SAMSN1: variants seen among roughly 807,000 people sequenced by gnomAD.
SAMSN1 encodes the protein SAM domain, SH3 domain and nuclear localization signals 1, also known as SAM domain-containing protein SAMSN-1.
A neutral mutation model predicts 42.0 loss-of-function variants in SAMSN1; 31 were observed. The ratio of observed to expected loss-of-function variants is 0.74; its 90% CI spans 0.55 to 1.00. SAMSN1 has a LOEUF of 1.00. Among genes scored for constraint, SAMSN1 ranks in the 50% least tolerant of loss-of-function variants. The pLI is 0.00. For missense variants in SAMSN1, 464 were observed against 439.4 expected (o/e 1.06, Z -0.50); for synonymous variants, 178 against 151.9 (o/e 1.17, Z -1.26).
intron 7 of SAMSN1, among the ~76,000 whole-genome samples, chr21:14,588,751 G>C (rs11910340): frequency 2.0e-5 from 3 of 151,464 alleles, no homozygotes; most frequent in African/African-American, 4.8e-5. Context: ...TAAGAGTTTC[G>C]TCTATTCTAT....
At chr21:14,650,600 C>G (rs1477179192) in intron 1 of SAMSN1, among the ~76,000 whole-genome samples, 1 of 151,734 alleles carries the variant, frequency 6.6e-6, no homozygotes, top group Non-Finnish European at 1.5e-5. Flanking sequence ...TGCAAATGAA[C>G]AACCCAACAA....
intron 3 of SAMSN1, among the ~76,000 whole-genome samples, chr21:14,615,154 C>T (rs114223474): frequency 1.4e-4 from 21 of 152,256 alleles, no homozygotes; most frequent in African/African-American, 5.1e-4. Flanking sequence ...TACTCCACCT[C>T]GTGCTTCAAA....
intron 2 of SAMSN1, among the ~76,000 whole-genome samples, chr21:14,564,160 A>C (rs571388593): frequency 1.3e-5 from 2 of 152,292 alleles, no homozygotes; most frequent in East Asian, 3.9e-4. Context: ...AATTGATTTC[A>C]AATCAGATAA....
intron 1 of SAMSN1, among the ~76,000 whole-genome samples, chr21:14,648,469 A>C (rs1215445364): frequency 2.6e-5 from 4 of 152,246 alleles, no homozygotes; most frequent in Non-Finnish European, 4.4e-5. Context: ...AACTACCATC[A>C]GAGTAAACAG....
intron 1 of SAMSN1, chr21:14,643,265 C>G: frequency 1.7e-6 from 1 of 571,590 alleles, no homozygotes; most frequent in Non-Finnish European, 3.1e-6. Context: ...TAAGAGTTTA[C>G]AGTATGCTAA....
intron 7 of SAMSN1, among the ~76,000 whole-genome samples, chr21:14,494,175 A>G (rs1986812305): frequency 6.6e-6 from 1 of 152,228 alleles, no homozygotes; most frequent in Non-Finnish European, 1.5e-5. Flanking sequence ...ATCTAGAACC[A>G]GAAATACCAT....
intron 7 of SAMSN1, among the ~76,000 whole-genome samples, chr21:14,497,347 C>T (rs1986950789): frequency 6.6e-6 from 1 of 152,284 alleles, no homozygotes; most frequent in East Asian, 1.9e-4. Context: ...GTAATCCCAG[C>T]ACTTTGAGAG....
Position 14,500,698 on chromosome 21 carries a change from ATTGGTG to A in SAMSN1, c.593_598del (p.Thr198_Pro199del). On this transcript the variant is annotated inframe_deletion, in exon 6 of 8. Coordinates refer to ENST00000400566, the MANE Select transcript of SAMSN1 (RefSeq NM_022136.5). ...GTTCAACATTCCTGTCCACATCCCC[ATTGGTG>A]TTTTGCAAATAATGTCTATGATGTC... 1 of 1,614,060 alleles carries A rather than the reference ATTGGTG, an allele frequency of 6.2e-7. No homozygotes were observed. Among genetic ancestry groups the A allele is most frequent in the Non-Finnish European group, 8.5e-7 (1 of 1,179,948 alleles).
intron 2 of SAMSN1, among the ~76,000 whole-genome samples, chr21:14,635,036 A>G (rs1009704682): frequency 1.3e-5 from 2 of 152,312 alleles, no homozygotes; most frequent in African/African-American, 4.8e-5. Flanking sequence ...TTGCAGGGAC[A>G]TGGGTGAAGC....
intron 1 of SAMSN1, among the ~76,000 whole-genome samples, chr21:14,539,757 T>C (rs1253452768): frequency 6.6e-6 from 1 of 152,164 alleles, no homozygotes; most frequent in Non-Finnish European, 1.5e-5. Flanking sequence ...CCCATCAAGC[T>C]ACCAATGACT....
At chr21:14,554,464 T>G (rs66740377) in intron 2 of SAMSN1, among the ~76,000 whole-genome samples, 42,816 of 152,008 alleles carry the variant, frequency 0.28, 6,392 homozygotes, top group African/African-American at 0.39. Flanking sequence ...AGTTATTAAT[T>G]ATCATTTTTA....
chr21:14,539,218 C>T (rs907748042), intron 1 of SAMSN1, among the ~76,000 whole-genome samples: 2 of 152,024 alleles, frequency 1.3e-5, no homozygotes, highest in Non-Finnish European at 2.9e-5. Flanking sequence ...AACAGACTTG[C>T]TACAAAGAAA....
intron 1 of SAMSN1, among the ~76,000 whole-genome samples, chr21:14,530,510 A>G (rs1174503352): frequency 6.6e-6 from 1 of 152,172 alleles, no homozygotes; most frequent in African/African-American, 2.4e-5. Flanking sequence ...TACTGTCTCT[A>G]GTAAACATAA....
chr21:14,601,444 A>G (rs866976244), intron 6 of SAMSN1, among the ~76,000 whole-genome samples: 5 of 152,260 alleles, frequency 3.3e-5, no homozygotes, highest in Middle Eastern at 6.8e-3. Context: ...AAATTTTCTA[A>G]TGAAACTATC....
At chr21:14,521,641 GC>G (rs1388239483) in intron 1 of SAMSN1, among the ~76,000 whole-genome samples, 6 of 152,040 alleles carry the variant, frequency 3.9e-5, no homozygotes, top group African/African-American at 1.4e-4. Flanking sequence ...CAAACAAAAA[GC>G]AAGCATCTGA....
intron 1 of SAMSN1, among the ~76,000 whole-genome samples, chr21:14,524,700 C>T (rs1258797080): frequency 6.6e-6 from 1 of 152,018 alleles, no homozygotes; most frequent in Non-Finnish European, 1.5e-5. Context: ...GCTGTAAAGC[C>T]TAATGTTCAT....
intron 2 of SAMSN1, among the ~76,000 whole-genome samples, chr21:14,555,199 T>C (rs1980725087): frequency 6.6e-6 from 1 of 152,182 alleles, no homozygotes; most frequent in Non-Finnish European, 1.5e-5. Context: ...AGCCTCCTTG[T>C]CTACAACTTC....
chr21:14,651,482 A>C (rs1983836481), intron 1 of SAMSN1, among the ~76,000 whole-genome samples: 1 of 152,038 alleles, frequency 6.6e-6, no homozygotes, highest in African/African-American at 2.4e-5. Context: ...AAAATTTGAC[A>C]TTCCTTCATG....
At chr21:14,635,386 G>T (rs1035861441) in intron 2 of SAMSN1, among the ~76,000 whole-genome samples, 3 of 152,134 alleles carry the variant, frequency 2.0e-5, no homozygotes, top group Non-Finnish European at 2.9e-5. Flanking sequence ...ATATGAATTA[G>T]TAGGTGAAAA....
Sources: allele counts gnomAD v4.1 joint callset (sites outside exome capture counted in the v4.1 genomes callset), GRCh38; gene constraint gnomAD v4.1.1; transcripts MANE v1.5; gene names NCBI Gene and HGNC (gene_info 2026-07-23, HGNC 2026-07-21).